The following GMDS variants were observed in gnomAD, a reference collection of about 807,000 sequenced individuals.
GMDS encodes the protein GDP-mannose 4,6 dehydratase.
A neutral mutation model predicts 49.9 loss-of-function variants in GMDS; 20 were observed. The observed-to-expected ratio is 0.40, with a 90% CI of 0.28 to 0.58. The LOEUF (loss-of-function observed/expected upper bound fraction) is 0.58. GMDS is among the 20% of genes least tolerant of loss of function. GMDS has a pLI of 0.42. For synonymous variants in GMDS, 177 were observed against 178.6 expected (o/e 0.99, Z 0.07); for missense variants, 362 against 481.4 (o/e 0.75, Z 2.32).
At chr6:2,200,638 G>C in intron 1 of GMDS, among the ~76,000 whole-genome samples, 1 of 136,434 alleles carries the variant, frequency 7.3e-6, no homozygotes, top group African/African-American at 3.5e-5. Flanking sequence ...GAAGGATGAA[G>C]ACAGAACACC....
At chr6:1,821,612 T>TTATTTG (rs1770901389) in intron 7 of GMDS, among the ~76,000 whole-genome samples, 1 of 1,598 alleles carries the variant, frequency 6.3e-4, no homozygotes, top group Admixed American at 8.6e-3. Context: ...AATTTATTTG[T>TTATTTG]TTTTTTTTTT....
chr6:2,023,601 T>C (rs953494630), intron 4 of GMDS, among the ~76,000 whole-genome samples: 2 of 152,184 alleles, frequency 1.3e-5, no homozygotes, highest in African/African-American at 4.8e-5. Flanking sequence ...ATAACTGTAT[T>C]TGAAATGTTC....
intron 7 of GMDS, among the ~76,000 whole-genome samples, chr6:1,818,719 C>A (rs914072836): frequency 6.6e-6 from 1 of 151,174 alleles, no homozygotes; most frequent in African/African-American, 2.4e-5. Flanking sequence ...TATACACATG[C>A]ATATATATAT....
At position 1,936,999 on chromosome 6, in the gene GMDS, G is replaced by A. The variant is rs75369241; in HGVS notation, c.644-6769C>T. On this transcript the variant is annotated intron_variant, in intron 6 of 10. Transcript: ENST00000380815. ...AAAAAAAAAAAATTACAATAGAGCT[G>A]CCCAATACAGGCATATCTTTTGTCC... Among the ~76,000 whole-genome samples the A allele has an allele frequency of 9.7e-3, 1,462 of 151,094 alleles. 22 individuals are homozygous for A. Among genetic ancestry groups the A allele is most frequent in the African/African-American group, 0.034 (1,397 of 41,144 alleles).
chr6:1,906,819 C>T lies in GMDS; in HGVS notation c.771+23284G>A, dbSNP rs149676319. On this transcript the variant is annotated intron_variant, in intron 7 of 10. Transcript: ENST00000380815. ...CACAGACAGAAGCGGCTGTTCCCAACGGTCCCAGGCTACTCAAAGCACAGG... is the reference window on the plus strand; with the variant it reads ...CACAGACAGAAGCGGCTGTTCCCAATGGTCCCAGGCTACTCAAAGCACAGG... Among the ~76,000 whole-genome samples the T allele has an allele frequency of 2.4e-3, 360 of 152,292 alleles. 3 individuals are homozygous for T. Among genetic ancestry groups the T allele is most frequent in the African/African-American group, 8.2e-3 (342 of 41,566 alleles).
At chr6:1,993,895 A>G (rs929657039) in intron 4 of GMDS, among the ~76,000 whole-genome samples, 1 of 152,146 alleles carries the variant, frequency 6.6e-6, no homozygotes, top group African/African-American at 2.4e-5. Context: ...TCCCAGTGCC[A>G]CGGGACGGTG....
chr6:1,654,061 T>C (rs1298954200), intron 9 of GMDS, among the ~76,000 whole-genome samples: 1 of 152,076 alleles, frequency 6.6e-6, no homozygotes, highest in Non-Finnish European at 1.5e-5. Flanking sequence ...TGAGATACCA[T>C]CTCATACCCA....
intron 1 of GMDS, among the ~76,000 whole-genome samples, chr6:2,162,681 C>T (rs1777462563): frequency 7.8e-6 from 1 of 127,916 alleles, no homozygotes; most frequent in Admixed American, 7.2e-5. Flanking sequence ...CACACACACA[C>T]ACACACACAC....
At chr6:2,208,104 A>G (rs1468444527) in intron 1 of GMDS, among the ~76,000 whole-genome samples, 2 of 151,996 alleles carry the variant, frequency 1.3e-5, no homozygotes, top group East Asian at 1.9e-4. Context: ...TGCATAAGTT[A>G]GAACCCAACA....
At chr6:1,729,831 A>G (rs1320755945) in intron 8 of GMDS, among the ~76,000 whole-genome samples, 1 of 152,248 alleles carries the variant, frequency 6.6e-6, no homozygotes, top group African/African-American at 2.4e-5. Flanking sequence ...ATTAAATAGC[A>G]ATAGAAAGCA....
At chr6:1,999,094 C>T (rs1444590909) in intron 4 of GMDS, among the ~76,000 whole-genome samples, 3 of 151,962 alleles carry the variant, frequency 2.0e-5, no homozygotes, top group South Asian at 2.1e-4. Context: ...GAGGCCAAGG[C>T]GGCCATATCA....
chr6:2,137,326 A>T (rs1302914140), intron 1 of GMDS, among the ~76,000 whole-genome samples: 2 of 147,024 alleles, frequency 1.4e-5, no homozygotes, highest in Non-Finnish European at 1.5e-5. Context: ...CCATACTGCT[A>T]TATTCCCTTT....
chr6:2,135,477 T>G (rs1455815459), intron 1 of GMDS, among the ~76,000 whole-genome samples: 1 of 152,190 alleles, frequency 6.6e-6, no homozygotes, highest in Non-Finnish European at 1.5e-5. Context: ...AATAACCATC[T>G]ATTAATATCT....
intron 9 of GMDS, among the ~76,000 whole-genome samples, chr6:1,712,040 T>C (rs550315055): frequency 6.6e-6 from 1 of 152,260 alleles, no homozygotes; most frequent in East Asian, 1.9e-4. Context: ...TCTCTAACCC[T>C]CTTCAATGCT....
intron 9 of GMDS, among the ~76,000 whole-genome samples, chr6:1,671,666 C>CTTTTT (rs35355483): frequency 1.5e-5 from 2 of 132,820 alleles, no homozygotes; most frequent in Non-Finnish European, 3.2e-5. Context: ...CTTTTAATTA[C>CTTTTT]TTTTTTTTTT....
chr6:1,704,639 G>A (rs147695511), intron 9 of GMDS, among the ~76,000 whole-genome samples: 8 of 152,284 alleles, frequency 5.3e-5, no homozygotes, highest in South Asian at 2.1e-4. Context: ...CAAATGCACC[G>A]GGAGTTTTGA....
chr6:1,999,981 T>A (rs1393302146), intron 4 of GMDS, among the ~76,000 whole-genome samples: 3 of 15,930 alleles, frequency 1.9e-4, no homozygotes, highest in East Asian at 1.2e-3. Context: ...TATATATATA[T>A]TTTATATATA....
chr6:2,143,218 TACA>T (rs1776392621), intron 1 of GMDS, among the ~76,000 whole-genome samples: 1 of 152,256 alleles, frequency 6.6e-6, no homozygotes, highest in South Asian at 2.1e-4. Flanking sequence ...TGATGATGTC[TACA>T]ACTTTTATAG....
At chr6:1,956,399 T>C (rs188766332) in intron 6 of GMDS, among the ~76,000 whole-genome samples, 32 of 152,358 alleles carry the variant, frequency 2.1e-4, no homozygotes, top group Admixed American at 1.6e-3. Flanking sequence ...TGGTTTAGCC[T>C]ATTGTTAGAT....
Sources: gnomAD v4.1 joint callset for allele counts (sites outside exome capture counted in the v4.1 genomes callset) on GRCh38, gnomAD v4.1.1 for gene constraint, MANE v1.5 for transcripts, NCBI Gene and HGNC (gene_info 2026-07-23, HGNC 2026-07-21) for gene names.